RBFOX1: variants seen among roughly 807,000 people sequenced by gnomAD.
RBFOX1 encodes RNA binding fox-1 homolog 1.
A neutral mutation model predicts 57.7 loss-of-function variants in RBFOX1; 8 were observed. The observed-to-expected ratio is 0.14, with a 90% confidence interval of 0.08 to 0.25. The LOEUF is 0.25. Among genes scored for constraint, RBFOX1 ranks in the 10% least tolerant of loss-of-function variants. The pLI is 1.00. For missense variants in RBFOX1, 611 were observed against 548.5 expected (o/e 1.11, Z -1.14); for synonymous variants, 326 against 222.4 (o/e 1.47, Z -4.15).
At chr16:6,055,730 C>T (rs937316066) in intron 1 of RBFOX1, among the ~76,000 whole-genome samples, 14 of 151,714 alleles carry the variant, frequency 9.2e-5, no homozygotes, top group African/African-American at 2.2e-4. Flanking sequence ...TCAGAAGGAG[C>T]GATCACCCAG....
chr16:6,249,790 T>A (rs2097593355), intron 1 of RBFOX1, among the ~76,000 whole-genome samples: 1 of 151,612 alleles, frequency 6.6e-6, no homozygotes, highest in Admixed American at 6.6e-5. Context: ...TTTTTTTTAT[T>A]ATACTTTAAG....
intron 3 of RBFOX1, among the ~76,000 whole-genome samples, chr16:6,850,830 C>G (rs530196862): frequency 2.0e-5 from 3 of 152,290 alleles, no homozygotes; most frequent in South Asian, 4.1e-4. Flanking sequence ...TCTTGTAGAA[C>G]TAAGCATGCA....
intron 15 of RBFOX1, chr16:7,710,175 C>T (rs752813717): frequency 3.9e-6 from 4 of 1,022,550 alleles, no homozygotes; most frequent in Non-Finnish European, 4.7e-6. Flanking sequence ...GCTTACAGAG[C>T]CAAGTTAAGT....
intron 11 of RBFOX1, among the ~76,000 whole-genome samples, chr16:7,634,258 G>C (rs1307695391): frequency 6.6e-6 from 1 of 152,170 alleles, no homozygotes; most frequent in East Asian, 1.9e-4. Flanking sequence ...CCTGAAGGAA[G>C]GTGTGTGTAA....
intron 2 of RBFOX1, among the ~76,000 whole-genome samples, chr16:6,524,609 G>A (rs910444714): frequency 7.9e-5 from 12 of 152,150 alleles, no homozygotes; most frequent in African/African-American, 2.7e-4. Flanking sequence ...GATTGTGTTT[G>A]TGTTCTGGGA....
At chr16:6,831,912 G>A (rs1297158305) in intron 3 of RBFOX1, among the ~76,000 whole-genome samples, 1 of 152,190 alleles carries the variant, frequency 6.6e-6, no homozygotes, top group Non-Finnish European at 1.5e-5. Flanking sequence ...TTCTGACGAA[G>A]AACTTACAGT....
At chr16:6,305,661 T>C (rs532060962) in intron 1 of RBFOX1, among the ~76,000 whole-genome samples, 3 of 151,442 alleles carry the variant, frequency 2.0e-5, no homozygotes, top group East Asian at 2.0e-4. Flanking sequence ...TTTTTTTTTT[T>C]CCTGTATTAC....
At chr16:5,989,879 CA>C (rs1167531713) in intron 4 of RBFOX1, among the ~76,000 whole-genome samples, 1,260 of 110,336 alleles carry the variant, frequency 0.011, 32 homozygotes, top group African/African-American at 0.034. Flanking sequence ...CACACACACA[CA>C]CCACCCCTGT....
chr16:7,111,461 A>T (rs1443648893), intron 4 of RBFOX1, among the ~76,000 whole-genome samples: 1 of 152,122 alleles, frequency 6.6e-6, no homozygotes, highest in Non-Finnish European at 1.5e-5. Flanking sequence ...GCTTCCTTTG[A>T]TTATATTACA....
chr16:6,778,844 C>G (rs1165231775), intron 3 of RBFOX1, among the ~76,000 whole-genome samples: 2 of 151,286 alleles, frequency 1.3e-5, no homozygotes, highest in Non-Finnish European at 2.9e-5. Flanking sequence ...TAATTGAATA[C>G]ACATACACCA....
At chr16:7,229,701 AGGAAG>A (rs2093370042) in intron 4 of RBFOX1, among the ~76,000 whole-genome samples, 1 of 69,752 alleles carries the variant, frequency 1.4e-5, no homozygotes, top group Non-Finnish European at 3.3e-5. Context: ...GAAGAGGGGA[AGGAAG>A]GAAGGGAGAG....
At chr16:5,786,562 C>T (rs1223215854) in intron 3 of RBFOX1, among the ~76,000 whole-genome samples, 1 of 152,164 alleles carries the variant, frequency 6.6e-6, no homozygotes, top group Non-Finnish European at 1.5e-5. Flanking sequence ...GGGAACAGAG[C>T]TTGCTCTGTG....
intron 2 of RBFOX1, among the ~76,000 whole-genome samples, chr16:6,606,540 C>A (rs1228269847): frequency 6.6e-6 from 1 of 152,096 alleles, no homozygotes; most frequent in Admixed American, 6.5e-5. Flanking sequence ...TACGAGGCCC[C>A]ATTGTGTGTA....
intron 2 of RBFOX1, among the ~76,000 whole-genome samples, chr16:5,546,025 A>G (rs571919037): frequency 3.9e-5 from 6 of 152,308 alleles, no homozygotes; most frequent in Admixed American, 6.5e-5. Context: ...TTTCTATATA[A>G]TAACAATAAA....
chr16:5,908,596 AC>A, intron 4 of RBFOX1, among the ~76,000 whole-genome samples: 1 of 151,922 alleles, frequency 6.6e-6, no homozygotes, highest in Middle Eastern at 3.4e-3. Flanking sequence ...CAAGTGATCC[AC>A]CCACCTTGGC....
chr16:6,855,469 G>C (rs1195092541), intron 3 of RBFOX1, among the ~76,000 whole-genome samples: 1 of 151,940 alleles, frequency 6.6e-6, no homozygotes, highest in Admixed American at 6.6e-5. Flanking sequence ...GGCTAACACA[G>C]TGAAACCCCG....
At chr16:6,048,001 A>G (rs2095513314) in intron 1 of RBFOX1, among the ~76,000 whole-genome samples, 1 of 152,222 alleles carries the variant, frequency 6.6e-6, no homozygotes, top group African/African-American at 2.4e-5. Flanking sequence ...AGTTATTAAA[A>G]AGAGAGAAGG....
At chr16:7,648,173 G>A (rs180929030) in intron 11 of RBFOX1, among the ~76,000 whole-genome samples, 4 of 152,242 alleles carry the variant, frequency 2.6e-5, no homozygotes, top group East Asian at 1.9e-4. Flanking sequence ...AGTGGCATGC[G>A]AAGAAGCCAT....
At chr16:7,265,474 A>C (rs541638620) in intron 4 of RBFOX1, among the ~76,000 whole-genome samples, 1 of 151,572 alleles carries the variant, frequency 6.6e-6, no homozygotes, top group East Asian at 1.9e-4. Context: ...TTTTAGATGT[A>C]GTCTTGCTCT....
Sources: gnomAD v4.1 joint callset for allele counts (sites outside exome capture counted in the v4.1 genomes callset) on GRCh38, gnomAD v4.1.1 for gene constraint, MANE v1.5 for transcripts, NCBI Gene and HGNC (gene_info 2026-07-23, HGNC 2026-07-21) for gene names.